Variants in GTF2H1 observed in about 807,000 individuals in gnomAD.
GTF2H1 encodes BTF2 p62.
A neutral mutation model predicts 71.2 loss-of-function variants in GTF2H1; 16 were observed. That is an observed-to-expected ratio of 0.22 (90% CI 0.15 to 0.34). The LOEUF is 0.34. Among genes scored for constraint, GTF2H1 ranks in the 10% least tolerant of loss-of-function variants. The pLI is 1.00. For synonymous variants in GTF2H1, 215 were observed against 219.0 expected (o/e 0.98, Z 0.16); for missense variants, 498 against 648.2 (o/e 0.77, Z 2.52).
intron 14 of GTF2H1, among the ~76,000 whole-genome samples, chr11:18,361,406 C>G (rs569105498): frequency 1.5e-4 from 23 of 152,236 alleles, no homozygotes; most frequent in African/African-American, 5.3e-4. Flanking sequence ...GTGGCTCATG[C>G]CTGTAATCCC....
At position 18,347,699 on chromosome 11, in the gene GTF2H1, G is replaced by A. The variant is rs1040443919; in HGVS notation, c.949G>A (p.Ala317Thr). 6.2e-7 allele frequency: 1 copy of A among 1,613,490 alleles called. No homozygotes were observed. The highest frequency in any genetic ancestry group is 8.5e-7 in the Non-Finnish European group (1 of 1,179,736). ...CCATCACAGTGCCATGGTCCTGGCA[G>A]CTGGACTCAGAAAACAGTTAAGTAT... is the stretch of plus-strand genomic sequence containing the variant. ...FNHHSAMVLA[A>T]GLRKQEAQNE... The change falls in exon 8 of 15, where the codon GCT (alanine) becomes ACT (threonine). Residue 317 changes from alanine (A) to threonine (T), a missense_variant. Physicochemically the swap from Ala to Thr is moderately conservative, Grantham distance 58. Coordinates refer to ENST00000265963, the MANE Select transcript of GTF2H1 (RefSeq NM_005316.4).
chr11:18,354,175 C>T (rs117567147), intron 11 of GTF2H1, among the ~76,000 whole-genome samples: 2,527 of 152,280 alleles, frequency 0.017, 100 homozygotes, highest in East Asian at 0.078. Context: ...ACTAGATTCA[C>T]ATTAGGCATT....
intron 7 of GTF2H1, among the ~76,000 whole-genome samples, chr11:18,342,365 C>T (rs1643443614): frequency 1.4e-5 from 2 of 147,280 alleles, no homozygotes; most frequent in Admixed American, 7.0e-5. Flanking sequence ...AAGTTAAAGC[C>T]ATTCTCCTGC....
In GTF2H1 at chr11:18,356,159, A is replaced by G. The variant is rs866619755; in HGVS notation, c.1261-1793A>G. ...AGCACTTTGGGAGGCCGAGGCACGC[A>G]GATCACTTGAGAGCTCTAGACCACC... On this transcript the variant is annotated intron_variant, in intron 11 of 14. Transcript: ENST00000265963. Among the ~76,000 whole-genome samples the G allele has an allele frequency of 3.9e-5, 6 of 152,180 alleles. No homozygotes were observed. The South Asian group carries it at 8.3e-4, about 21-fold the overall frequency.
intron 9 of GTF2H1, among the ~76,000 whole-genome samples, chr11:18,349,192 C>A (rs4150641): frequency 0.68 from 102,990 of 152,100 alleles, 35,362 homozygotes; most frequent in East Asian, 0.96. Flanking sequence ...ACTGTGCCAG[C>A]CTATTTCAGT....
At chr11:18,338,502 G>A (rs895032507) in intron 4 of GTF2H1, among the ~76,000 whole-genome samples, 2 of 152,134 alleles carry the variant, frequency 1.3e-5, no homozygotes, top group South Asian at 4.1e-4. Context: ...GGAGTGCAGT[G>A]GCACAGTGAT....
In GTF2H1 at chr11:18,335,959, G is replaced by GA; in HGVS notation, c.347+15dup. ...AAGAGAAGAACAGGTGGGAGGAAAA[G>GA]AATAGCCTTTTGAAAGAGATACTGG... is the stretch of plus-strand genomic sequence containing the variant. On this transcript the variant is annotated intron_variant, in intron 3 of 14. Coordinates refer to ENST00000265963, the MANE Select transcript of GTF2H1 (RefSeq NM_005316.4). 6.2e-7 allele frequency: 1 copy of GA among 1,604,894 alleles called. No homozygotes were observed.
chr11:18,329,006 CAT>C (rs1313930613), intron 1 of GTF2H1, among the ~76,000 whole-genome samples: 1 of 152,040 alleles, frequency 6.6e-6, no homozygotes, highest in Non-Finnish European at 1.5e-5. Context: ...GATCCTTTAT[CAT>C]ATTTGATATA....
intron 1 of GTF2H1, among the ~76,000 whole-genome samples, chr11:18,329,346 T>G (rs949833635): frequency 2.6e-5 from 4 of 152,166 alleles, no homozygotes; most frequent in Admixed American, 1.3e-4. Flanking sequence ...TCAAATCTGC[T>G]CTTCCTTCTC....
chr11:18,358,687 A>C (rs1865625712), intron 13 of GTF2H1, 47 bp downstream of exon 13: 3 of 1,190,478 alleles, frequency 2.5e-6, no homozygotes, highest in Non-Finnish European at 3.8e-6. Flanking sequence ...GTAGTGACTT[A>C]CAAGAAGTTT....
rs771939276 is a variant in GTF2H1, at chr11:18,333,121, G to A, written c.47G>A (p.Arg16His). Residue 16 changes from arginine to histidine, a missense_variant, in exon 2 of 15, where the codon CGT (arginine) becomes CAT (histidine). Physicochemically the swap from Arg to His is conservative, Grantham distance 29. This residue lies in a region of GTF2H1 where 216 missense variants were observed against 306.2 expected (regional missense o/e 0.71). Coordinates refer to ENST00000265963, the MANE Select transcript of GTF2H1 (RefSeq NM_005316.4). ...EEVLLIVKKV[R>H]QKKQDGALYL... ...GTTTTGCTGATTGTAAAGAAAGTGC[G>A]TCAAAAGAAGCAGGATGGAGCTCTG... 12 of 1,612,574 alleles carry A rather than the reference G, an allele frequency of 7.4e-6. No homozygotes were observed. Among genetic ancestry groups the A allele is most frequent in the East Asian group, 2.2e-5 (1 of 44,856 alleles).
At chr11:18,339,530 T>A in intron 4 of GTF2H1, 34 bp from the exon 5 acceptor site, 2 of 1,449,778 alleles carry the variant, frequency 1.4e-6, no homozygotes, top group Non-Finnish European at 1.9e-6. Context: ...TCCCTGATGC[T>A]CTAACGTGTA....
In GTF2H1 at chr11:18,338,178, T is replaced by C. The variant is rs1403751605; in HGVS notation, c.417T>C (p.Ala139=). ...TTGTTGTGAGTCAAGTGATCAGTGCTGAGGAATTCTGGGCCAATCGTTTAA... is the reference window on the plus strand; with the variant it reads ...TTGTTGTGAGTCAAGTGATCAGTGCCGAGGAATTCTGGGCCAATCGTTTAA... ...KDLVVSQVIS[A]EEFWANRLNV... Residue 139 remains alanine, a synonymous_variant, in exon 4 of 15, where the codon GCT becomes GCC. Transcript: ENST00000265963. 1.2e-6 allele frequency: 2 copies of C among 1,606,968 alleles called. No homozygotes were observed. Among genetic ancestry groups the C allele is most frequent in the Non-Finnish European group, 1.7e-6 (2 of 1,173,456 alleles).
intron 14 of GTF2H1, among the ~76,000 whole-genome samples, chr11:18,360,931 G>C (rs1865681655): frequency 1.3e-5 from 2 of 151,170 alleles, no homozygotes; most frequent in Admixed American, 6.6e-5. Context: ...TCAGCCTTCT[G>C]AGTAGCTGAG....
chr11:18,355,125 T>A (rs1037722078), intron 11 of GTF2H1, among the ~76,000 whole-genome samples: 130 of 151,014 alleles, frequency 8.6e-4, no homozygotes, highest in African/African-American at 2.9e-3. Context: ...AAAATTTTTT[T>A]AATTTTTCTT....
At chr11:18,346,066 A>C (rs936806443) in intron 7 of GTF2H1, among the ~76,000 whole-genome samples, 1 of 152,208 alleles carries the variant, frequency 6.6e-6, no homozygotes, top group Non-Finnish European at 1.5e-5. Context: ...TTGGGATTAC[A>C]GGCGTAAGCC....
At chr11:18,332,012 G>A (rs1590182131) in intron 1 of GTF2H1, among the ~76,000 whole-genome samples, 1 of 152,158 alleles carries the variant, frequency 6.6e-6, no homozygotes, top group East Asian at 1.9e-4. Context: ...TTTTTGTACA[G>A]ACGGGGTCTC....
chr11:18,328,754 A>G (rs1864828699), intron 1 of GTF2H1, among the ~76,000 whole-genome samples: 1 of 150,322 alleles, frequency 6.7e-6, no homozygotes, highest in Admixed American at 6.7e-5. Flanking sequence ...TGAACCCGGG[A>G]GGCGGAGGTT....
At chr11:18,364,835 C>T (rs576906099) in intron 14 of GTF2H1, among the ~76,000 whole-genome samples, 2 of 152,284 alleles carry the variant, frequency 1.3e-5, no homozygotes, top group East Asian at 1.9e-4. Context: ...GCAGAATTAA[C>T]TGCAGGAGCT....
Sources: allele counts gnomAD v4.1 joint callset (sites outside exome capture counted in the v4.1 genomes callset), GRCh38; gene constraint gnomAD v4.1.1; regional missense constraint gnomAD v4.1.1; transcripts MANE v1.5; gene names NCBI Gene and HGNC (gene_info 2026-07-23, HGNC 2026-07-21).